The following SULF1 variants were observed in gnomAD, a reference collection of about 807,000 sequenced individuals.
The protein encoded by SULF1 is sulfatase 1, also known as extracellular sulfatase Sulf-1.
Under a neutral mutation model 110.5 loss-of-function variants are expected in SULF1, and 46 were observed. That is an observed-to-expected ratio of 0.42 (90% CI 0.33 to 0.53). SULF1 has a LOEUF of 0.53. Ranked by LOEUF, SULF1 falls within the 20% of genes least tolerant of loss-of-function variation. SULF1 has a pLI of 0.12. For missense variants in SULF1, 941 were observed against 1,094.2 expected, an observed-to-expected ratio of 0.86 and a Z score of 1.98; for synonymous variants, 371 against 387.1, an observed-to-expected ratio of 0.96 and a Z score of 0.49.
rs533093296 is a variant in SULF1 at position 69,556,064 on chromosome 8, C to T, written c.-133-7475C>T. Among the ~76,000 whole-genome samples the T allele has an allele frequency of 9.3e-4, 142 of 151,974 alleles. 1 individual carries two copies. Among genetic ancestry groups the T allele is most frequent in the Non-Finnish European group, 1.2e-3 (84 of 68,012 alleles). ...TTATACTGTGAGAAAGATTATGTTTCTTCGTTACTTGAGATATGTGTCTGT... is the reference window on the plus strand; with the variant it reads ...TTATACTGTGAGAAAGATTATGTTTTTTCGTTACTTGAGATATGTGTCTGT... On this transcript the variant is annotated intron_variant, in intron 3 of 22. Transcript: ENST00000402687.
At chr8:69,532,352 A>G (rs1029893119) in intron 3 of SULF1, among the ~76,000 whole-genome samples, 1 of 152,196 alleles carries the variant, frequency 6.6e-6, no homozygotes, top group African/African-American at 2.4e-5. Context: ...AGAATTTTCA[A>G]TATTTGAGGA....
chr8:69,649,806 T>G (rs2094189341), intron 22 of SULF1, among the ~76,000 whole-genome samples: 1 of 152,094 alleles, frequency 6.6e-6, no homozygotes, highest in African/African-American at 2.4e-5. Flanking sequence ...TTGGCAAAGG[T>G]GGAGTTTGCT....
At chr8:69,542,215 C>A (rs776790348) in intron 3 of SULF1, among the ~76,000 whole-genome samples, 11 of 152,114 alleles carry the variant, frequency 7.2e-5, no homozygotes, top group Admixed American at 6.5e-5. Flanking sequence ...GAGAGTTCTG[C>A]ATATGCTGAA....
intron 14 of SULF1, 132 bp downstream of exon 14, chr8:69,621,383 A>G: frequency 1.7e-6 from 1 of 578,874 alleles, no homozygotes. Flanking sequence ...AAAGCACATC[A>G]TTGCTCTATT....
In SULF1 at chr8:69,618,756, T is replaced by C. The variant is rs572977484; in HGVS notation, c.1378-2279T>C. Among the ~76,000 whole-genome samples the C allele has an allele frequency of 7.9e-5, 12 of 152,360 alleles. No homozygotes were observed. In the South Asian group the frequency reaches 2.5e-3, roughly 32 times the overall value. ...AAGCAAAATCATAGAAGAAGTCCTG[T>C]ATCTCTAGGATTTGGGGATTATATA... is the stretch of plus-strand genomic sequence containing the variant. On this transcript the variant is annotated intron_variant, in intron 13 of 22. Transcript: ENST00000402687.
At chr8:69,636,564 G>T (rs6988762) in intron 19 of SULF1, among the ~76,000 whole-genome samples, 64,579 of 151,832 alleles carry the variant, frequency 0.43, 14,014 homozygotes, top group East Asian at 0.53. Context: ...TGTGCTTCAG[G>T]ATTCAATGAA....
chr8:69,643,320 A>G (rs1811632483), intron 22 of SULF1, among the ~76,000 whole-genome samples: 1 of 152,204 alleles, frequency 6.6e-6, no homozygotes, highest in African/African-American at 2.4e-5. Context: ...ACTGTCTTCC[A>G]ATGGGGTTCA....
chr8:69,492,584 T>C (rs947943972), upstream of SULF1, among the ~76,000 whole-genome samples: 6 of 152,188 alleles, frequency 3.9e-5, no homozygotes, highest in Non-Finnish European at 7.3e-5. Flanking sequence ...CTGGAAACCC[T>C]GAGCCCCTGC....
At chr8:69,580,180 AT>A (rs751667532) in intron 6 of SULF1, among the ~76,000 whole-genome samples, 1 of 152,190 alleles carries the variant, frequency 6.6e-6, no homozygotes, top group Non-Finnish European at 1.5e-5. Flanking sequence ...ATATGAGTCT[AT>A]GAGAGCTTGA....
rs1007428806 is a variant in SULF1 at position 69,537,418 on chromosome 8, G to A, written c.-133-26121G>A. Reference sequence around the variant, plus strand: ...GTCTTCTATGAAATAGAGTTCGATTGCCAGAAACTGTCATTAAATATGCAT... The same window carrying A: ...GTCTTCTATGAAATAGAGTTCGATTACCAGAAACTGTCATTAAATATGCAT... On this transcript the variant is annotated intron_variant, in intron 3 of 22. Transcript: ENST00000402687. Among the ~76,000 whole-genome samples, 6 of 152,106 alleles carry A rather than the reference G, an allele frequency of 3.9e-5. No homozygotes were observed. In the East Asian group the frequency reaches 1.2e-3, roughly 29 times the overall value.
chr8:69,526,673 C>A (rs1477680362), intron 3 of SULF1, among the ~76,000 whole-genome samples: 2 of 151,440 alleles, frequency 1.3e-5, no homozygotes, highest in African/African-American at 4.8e-5. Flanking sequence ...TGCCTGTAGT[C>A]CCAGCTACTT....
At position 69,658,795 on chromosome 8, in the gene SULF1, G is replaced by C. The variant is rs954137972; in HGVS notation, c.*260G>C. 1 of 631,816 alleles carries C rather than the reference G, an allele frequency of 1.6e-6. No homozygotes were observed. Among genetic ancestry groups the C allele is most frequent in the African/African-American group, 1.8e-5 (1 of 55,534 alleles). The allele number at this position is 631,816 out of a possible 1,614,324, so 39.1% of individuals were successfully genotyped here. On this transcript the variant is annotated 3_prime_UTR_variant, in exon 23 of 23. Transcript: ENST00000402687. Reference sequence around the variant, plus strand: ...CGCTGTGTCAATGGAGATGGCCTCTGCTGACTCAGATGAAGACCCAAGGCA... The same window carrying C: ...CGCTGTGTCAATGGAGATGGCCTCTCCTGACTCAGATGAAGACCCAAGGCA...
intron 5 of SULF1, among the ~76,000 whole-genome samples, chr8:69,572,985 G>GC (rs1410975230): frequency 3.9e-5 from 6 of 152,156 alleles, no homozygotes; most frequent in African/African-American, 1.4e-4. Flanking sequence ...ATGCCATCAT[G>GC]CTGGCTAAGT....
intron 3 of SULF1, among the ~76,000 whole-genome samples, chr8:69,550,466 A>G (rs967025307): frequency 2.0e-5 from 3 of 152,064 alleles, no homozygotes; most frequent in Non-Finnish European, 2.9e-5. Flanking sequence ...AACTCAGGAG[A>G]ACAAAAAGAA....
intron 1 of SULF1, among the ~76,000 whole-genome samples, chr8:69,467,778 G>T (rs892504892): frequency 6.6e-6 from 1 of 152,102 alleles, no homozygotes; most frequent in African/African-American, 2.4e-5. Flanking sequence ...TAGATTTTCA[G>T]GTTTGGTTAT....
At chr8:69,639,255 C>G (rs1414851548) in intron 21 of SULF1, among the ~76,000 whole-genome samples, 7 of 152,184 alleles carry the variant, frequency 4.6e-5, no homozygotes, top group Non-Finnish European at 1.0e-4. Context: ...TGGAAAGACA[C>G]AATGCTCTAT....
intron 3 of SULF1, among the ~76,000 whole-genome samples, chr8:69,527,319 A>T (rs1196947274): frequency 1.3e-5 from 2 of 152,136 alleles, no homozygotes; most frequent in Non-Finnish European, 2.9e-5. Flanking sequence ...TAGCAGACAG[A>T]TTCCTCCCTA....
At chr8:69,651,207 C>T (rs1249729382) in intron 22 of SULF1, among the ~76,000 whole-genome samples, 5 of 151,960 alleles carry the variant, frequency 3.3e-5, no homozygotes, top group African/African-American at 1.2e-4. Context: ...CACCTGCCAC[C>T]ATGCCCAGCT....
At chr8:69,584,992 A>G (rs2150762767) in intron 6 of SULF1, among the ~76,000 whole-genome samples, 1 of 152,366 alleles carries the variant, frequency 6.6e-6, no homozygotes, top group South Asian at 2.1e-4. Context: ...CCAGTCTTCC[A>G]GGAACTACTT....
Sources: gnomAD v4.1 joint callset for allele counts (sites outside exome capture counted in the v4.1 genomes callset) on GRCh38, gnomAD v4.1.1 for gene constraint, MANE v1.5 for transcripts, NCBI Gene and HGNC (gene_info 2026-07-23, HGNC 2026-07-21) for gene names.